The following DNASE1L3 variants were observed in gnomAD, a reference collection of about 807,000 sequenced individuals.
DNASE1L3 encodes the protein deoxyribonuclease 1L3.
In DNASE1L3, 27 loss-of-function variants were observed where a neutral mutation model predicts 30.9. That is an observed-to-expected ratio of 0.87 (90% CI 0.64 to 1.20). The LOEUF is 1.20. Among genes scored for constraint, DNASE1L3 ranks in the 50% most tolerant of loss-of-function variants. The pLI is 0.00. For missense variants in DNASE1L3, 364 were observed against 378.2 expected, an observed-to-expected ratio of 0.96 and a Z score of 0.31; for synonymous variants, 135 against 138.0, an observed-to-expected ratio of 0.98 and a Z score of 0.15.
At chr3:58,194,822 G>A (rs912004261) in intron 6 of DNASE1L3, among the ~76,000 whole-genome samples, 2 of 151,692 alleles carry the variant, frequency 1.3e-5, no homozygotes, top group Non-Finnish European at 2.9e-5. Context: ...TAGAGACGGG[G>A]TTTCACTGTG....
rs144928501 is a variant in DNASE1L3, at chr3:58,205,506, T to C, written c.285A>G (p.Arg95=). 26 of 1,614,146 alleles carry C rather than the reference T, an allele frequency of 1.6e-5. No individual in the cohort carries two copies. The highest frequency in any genetic ancestry group is 2.0e-5 in the Non-Finnish European group (24 of 1,179,916). Residue 95 remains arginine, a synonymous_variant, in exon 3 of 8, where the codon AGA becomes AGG. Transcript: ENST00000394549. ...AGGCATATTGTTCTTTATATGTGTT[T>C]CTTCCAAGCCGAGAGCTAATCACAT... ...YNYVISSRLG[R]NTYKEQYAFL... is the part of the protein sequence containing the mutation.
intron 6 of DNASE1L3, among the ~76,000 whole-genome samples, chr3:58,196,471 T>A (rs2097397458): frequency 7.0e-6 from 1 of 143,268 alleles, no homozygotes; most frequent in African/African-American, 2.6e-5. Flanking sequence ...GAGAATGGCG[T>A]GAACCCGGGA....
intron 1 of DNASE1L3, among the ~76,000 whole-genome samples, chr3:58,210,218 A>AGAC: frequency 1.4e-5 from 1 of 69,692 alleles, no homozygotes; most frequent in Admixed American, 1.5e-4. Context: ...AAGAAAGAAA[A>AGAC]AGGAAGAAAG....
chr3:58,205,832 G>C (rs999725777), intron 2 of DNASE1L3, among the ~76,000 whole-genome samples: 1 of 152,200 alleles, frequency 6.6e-6, no homozygotes, highest in African/African-American at 2.4e-5. Context: ...GCTGGGATTT[G>C]AACCTAGATC....
At chr3:58,196,886 G>A (rs2056118) in intron 6 of DNASE1L3, among the ~76,000 whole-genome samples, 4,754 of 152,302 alleles carry the variant, frequency 0.031, 265 homozygotes, top group African/African-American at 0.11. Flanking sequence ...TGTAGCTAAA[G>A]CTTTAAAAAT....
intron 6 of DNASE1L3, among the ~76,000 whole-genome samples, chr3:58,195,755 C>T (rs1354061894): frequency 6.6e-6 from 1 of 151,570 alleles, no homozygotes; most frequent in Non-Finnish European, 1.5e-5. Context: ...CACTGCACTC[C>T]AGCCTGGGCG....
Position 58,204,799 on chromosome 3 carries a change from A to T in DNASE1L3, c.403T>A (p.Phe135Ile). Residue 135 changes from phenylalanine (F) to isoleucine (I), a missense_variant, in exon 4 of 8, where the codon TTT becomes ATT. Transcript: ENST00000394549. Reference sequence around the variant, plus strand: ...TGGGGAGATTGGAACCAGACCACAAAGGGCTCCCTGGAAAACACATCTGCG... The same window carrying T: ...TGGGGAGATTGGAACCAGACCACAATGGGCTCCCTGGAAAACACATCTGCG... ...GDADVFSREP[F>I]VVWFQSPHTA... 1 of 1,614,122 alleles carries T rather than the reference A, an allele frequency of 6.2e-7. No homozygotes were observed. The highest frequency in any genetic ancestry group is 8.5e-7 in the Non-Finnish European group (1 of 1,179,996).
At chr3:58,195,586 G>C (rs1291691143) in intron 6 of DNASE1L3, among the ~76,000 whole-genome samples, 1 of 130,552 alleles carries the variant, frequency 7.7e-6, no homozygotes, top group East Asian at 2.4e-4. Flanking sequence ...TGGCCAACAT[G>C]GCGAAACCCC....
chr3:58,192,941 G>A lies in DNASE1L3; in HGVS notation c.802-138C>T. 1.4e-6 allele frequency: 2 copies of A among 1,461,888 alleles called. No homozygotes were observed. Among genetic ancestry groups the A allele is most frequent in the Non-Finnish European group, 1.8e-6 (2 of 1,114,234 alleles). 90.6% of individuals were successfully genotyped at this position (1,461,888 alleles called of 1,614,324 possible). On this transcript the variant is annotated intron_variant, in intron 7 of 7. Coordinates refer to ENST00000394549, the MANE Select transcript of DNASE1L3 (RefSeq NM_004944.4). This position sits in a 1 kb window ranked among gnomAD's most constrained non-coding sequence, Gnocchi z 4.8. ...CACCCCACAGAACACTTACTGGTAA[G>A]CGTCATTCCAAGACCAGCTCGATCA...
At chr3:58,195,046 C>T (rs1458217218) in intron 6 of DNASE1L3, among the ~76,000 whole-genome samples, 2 of 152,218 alleles carry the variant, frequency 1.3e-5, no homozygotes, top group Non-Finnish European at 2.9e-5. Flanking sequence ...TCTTCCATTT[C>T]TGACTTCTTC....
rs927454970 is a variant in DNASE1L3 at position 58,200,004 on chromosome 3, G to A, written c.546+993C>T. Among the ~76,000 whole-genome samples the A allele has an allele frequency of 6.6e-6, 1 of 152,208 alleles. No individual in the cohort carries two copies. Among genetic ancestry groups the A allele is most frequent in the Non-Finnish European group, 1.5e-5 (1 of 68,042 alleles). On this transcript the variant is annotated intron_variant, in intron 5 of 7. Coordinates refer to ENST00000394549, the MANE Select transcript of DNASE1L3 (RefSeq NM_004944.4). This position sits in a 1 kb window ranked among gnomAD's most constrained non-coding sequence, Gnocchi z 4.2. ...AGTCACATTCCGAAACGAGAAAAGAGAAATACAGAAGAAGAACCCTTGGGT... is the reference window on the plus strand; with the variant it reads ...AGTCACATTCCGAAACGAGAAAAGAAAAATACAGAAGAAGAACCCTTGGGT...
At chr3:58,207,914 TC>T (rs1468529857) in intron 2 of DNASE1L3, 1 of 303,014 alleles carries the variant, frequency 3.3e-6, no homozygotes, top group African/African-American at 2.1e-5. Context: ...TGGTTTCTAA[TC>T]TTTTCTCTTT....
In DNASE1L3 at chr3:58,204,776, G is replaced by A. The variant is rs988376336; in HGVS notation, c.426C>T (p.Pro142=). Residue 142 remains proline (P), a synonymous_variant, in exon 4 of 8, where the codon CCC becomes CCT. Transcript: ENST00000394549. The part of the protein sequence containing the change: ...REPFVVWFQS[P]HTAVKDFVII... The stretch of plus-strand genomic sequence containing the variant: ...GGCCTGTGTGGGTCTTACCAGTGTG[G>A]GGAGATTGGAACCAGACCACAAAGG... 26 of 1,613,926 alleles carry A rather than the reference G, an allele frequency of 1.6e-5. No individual in the cohort carries two copies. The highest frequency in any genetic ancestry group is 2.0e-5 in the Non-Finnish European group (24 of 1,179,960).
At chr3:58,205,688 C>A (rs548422861) in intron 2 of DNASE1L3, 128 bp from the exon 3 acceptor site, 6 of 734,564 alleles carry the variant, frequency 8.2e-6, no homozygotes, top group African/African-American at 1.7e-5. Flanking sequence ...TTCATCATAA[C>A]CTTTGAGTCC....
In DNASE1L3 at chr3:58,201,142, C is replaced by T. The variant is rs752674703; in HGVS notation, c.434-33G>A. The T allele has an allele frequency of 4.5e-6, 7 of 1,563,102 alleles. No individual in the cohort carries two copies. In the African/African-American group the frequency reaches 9.5e-5, roughly 21 times the overall value. ...ACAGGAAAGAGGCGGGGGTCACACACTTCCCCTGTCAAGGTCTCATAAACA... is the reference window on the plus strand; with the variant it reads ...ACAGGAAAGAGGCGGGGGTCACACATTTCCCCTGTCAAGGTCTCATAAACA... On this transcript the variant is annotated intron_variant, in intron 4 of 7. Coordinates refer to ENST00000394549, the MANE Select transcript of DNASE1L3 (RefSeq NM_004944.4).
At chr3:58,202,730 G>C (rs984028529) in intron 4 of DNASE1L3, among the ~76,000 whole-genome samples, 2 of 151,510 alleles carry the variant, frequency 1.3e-5, no homozygotes, top group African/African-American at 4.8e-5. Flanking sequence ...GCGCATGCCT[G>C]TAATCCCAGC....
At chr3:58,201,604 T>G (rs1200933269) in intron 4 of DNASE1L3, among the ~76,000 whole-genome samples, 2 of 152,244 alleles carry the variant, frequency 1.3e-5, no homozygotes, top group South Asian at 2.1e-4. Flanking sequence ...CGCAGGCACA[T>G]TCCAGCTCAC....
At chr3:58,202,131 C>CT (rs1025984819) in intron 4 of DNASE1L3, among the ~76,000 whole-genome samples, 136 of 146,694 alleles carry the variant, frequency 9.3e-4, no homozygotes, top group African/African-American at 3.2e-3. Flanking sequence ...GTATTTTCTT[C>CT]TTTTTTTTAA....
chr3:58,210,628 G>T, intron 1 of DNASE1L3, 138 bp downstream of exon 1: 1 of 1,307,704 alleles, frequency 7.6e-7, no homozygotes, highest in Non-Finnish European at 1.1e-6. Flanking sequence ...ACAGAGAGTT[G>T]AAGTGGTTAT....
Sources: allele counts gnomAD v4.1 joint callset (sites outside exome capture counted in the v4.1 genomes callset), GRCh38; gene constraint gnomAD v4.1.1; non-coding constraint Gnocchi (gnomAD v3.1); transcripts MANE v1.5; gene names NCBI Gene and HGNC (gene_info 2026-07-23, HGNC 2026-07-21).